Variants in QTMAN observed in about 807,000 individuals in gnomAD.
QTMAN encodes the protein tRNA-queuosine alpha-mannosyltransferase.
the QTMAN span, among the ~76,000 whole-genome samples, chr2:144,197,763 T>G: frequency 2.0e-5 from 3 of 152,192 alleles, no homozygotes; most frequent in Non-Finnish European, 4.4e-5. Context: ...TCTCACTATT[T>G]TTCTATTAGA....
the QTMAN span, among the ~76,000 whole-genome samples, chr2:144,169,103 C>T: frequency 6.6e-6 from 1 of 151,906 alleles, no homozygotes; most frequent in Non-Finnish European, 1.5e-5. Flanking sequence ...TAGCAGTTTC[C>T]TCTTAGAACT....
the QTMAN span, among the ~76,000 whole-genome samples, chr2:144,029,506 G>T: frequency 6.6e-6 from 1 of 152,042 alleles, no homozygotes; most frequent in East Asian, 1.9e-4. Context: ...CTTGTAATTT[G>T]TTCTCTTCTT....
chr2:144,199,498 C>T, the QTMAN span, among the ~76,000 whole-genome samples: 4 of 152,058 alleles, frequency 2.6e-5, no homozygotes, highest in East Asian at 7.7e-4. Flanking sequence ...CAGTCAAATG[C>T]CTTCTCTTTG....
the QTMAN span, among the ~76,000 whole-genome samples, chr2:143,965,469 C>T: frequency 2.6e-5 from 4 of 152,172 alleles, no homozygotes; most frequent in Non-Finnish European, 5.9e-5. Flanking sequence ...TTCCCATCTC[C>T]TCCTTTTCAT....
the QTMAN span, among the ~76,000 whole-genome samples, chr2:144,013,208 C>T: frequency 6.6e-6 from 1 of 152,148 alleles, no homozygotes; most frequent in Admixed American, 6.6e-5. Flanking sequence ...TTAACTCATT[C>T]ATTCAGTAAG....
the QTMAN span, among the ~76,000 whole-genome samples, chr2:144,068,555 G>A: frequency 2.0e-5 from 3 of 152,118 alleles, no homozygotes; most frequent in Non-Finnish European, 4.4e-5. Context: ...CAATTAATAT[G>A]CAAATATATG....
the QTMAN span, among the ~76,000 whole-genome samples, chr2:144,247,707 T>C: frequency 6.6e-6 from 1 of 152,164 alleles, no homozygotes; most frequent in East Asian, 1.9e-4. Flanking sequence ...GGGTCTCATT[T>C]TCATATCCCA....
At chr2:144,215,039 T>C in the QTMAN span, among the ~76,000 whole-genome samples, 3 of 152,038 alleles carry the variant, frequency 2.0e-5, no homozygotes, top group Non-Finnish European at 4.4e-5. Flanking sequence ...ACCAAGGAGT[T>C]TGAAACCAGC....
the QTMAN span, among the ~76,000 whole-genome samples, chr2:144,061,033 T>C: frequency 1.3e-5 from 2 of 152,172 alleles, no homozygotes; most frequent in Admixed American, 6.5e-5. Flanking sequence ...CACCTTGAAA[T>C]TATAGTTCCC....
chr2:144,046,572 T>G, the QTMAN span, among the ~76,000 whole-genome samples: 1 of 152,180 alleles, frequency 6.6e-6, no homozygotes, highest in Non-Finnish European at 1.5e-5. Flanking sequence ...AAAATCTACA[T>G]CTACTTCTGC....
the QTMAN span, among the ~76,000 whole-genome samples, chr2:144,034,253 T>C: frequency 1.4e-4 from 22 of 152,330 alleles, no homozygotes; most frequent in East Asian, 2.1e-3. Flanking sequence ...GACATAGTAA[T>C]GCAAGACTAG....
At chr2:144,151,371 T>C in the QTMAN span, among the ~76,000 whole-genome samples, 1 of 148,004 alleles carries the variant, frequency 6.8e-6, no homozygotes, top group Non-Finnish European at 1.5e-5. Flanking sequence ...TAATCTCTTA[T>C]ATTTCTTTTG....
the QTMAN span, among the ~76,000 whole-genome samples, chr2:144,013,067 T>C: frequency 6.6e-6 from 1 of 152,160 alleles, no homozygotes. Flanking sequence ...GGGACACATG[T>C]AGATGTTGCA....
the QTMAN span, among the ~76,000 whole-genome samples, chr2:143,998,464 G>A: frequency 6.6e-6 from 1 of 151,436 alleles, no homozygotes; most frequent in Admixed American, 6.6e-5. Flanking sequence ...ATTTGTAGTA[G>A]TTACTGCTGT....
the QTMAN span, among the ~76,000 whole-genome samples, chr2:144,172,596 C>A: frequency 6.9e-5 from 10 of 145,084 alleles, no homozygotes; most frequent in Admixed American, 7.0e-4. Flanking sequence ...TACACTCCAG[C>A]CTGGGTGACA....
chr2:144,006,998 A>C, the QTMAN span: 1 of 455,766 alleles, frequency 2.2e-6, no homozygotes, highest in East Asian at 3.4e-5. Context: ...ATTTAATCTA[A>C]GCACATGACC....
At chr2:144,165,551 T>C in the QTMAN span, among the ~76,000 whole-genome samples, 5 of 152,278 alleles carry the variant, frequency 3.3e-5, no homozygotes, top group African/African-American at 1.2e-4. Context: ...TCAGTATTAT[T>C]TACATGCTCA....
the QTMAN span, among the ~76,000 whole-genome samples, chr2:144,245,756 G>A: frequency 1.3e-5 from 2 of 151,938 alleles, no homozygotes; most frequent in African/African-American, 4.8e-5. Context: ...GGACCAAGAA[G>A]GGAAAAAATT....
chr2:144,090,145 G>A, the QTMAN span, among the ~76,000 whole-genome samples: 2 of 151,854 alleles, frequency 1.3e-5, no homozygotes, highest in Non-Finnish European at 2.9e-5. Flanking sequence ...GCAAAAAAAA[G>A]GATTTGATGA....
Sources: gnomAD v4.1 joint callset for allele counts (sites outside exome capture counted in the v4.1 genomes callset) on GRCh38, gnomAD v4.1.1 for gene constraint, MANE v1.5 for transcripts, NCBI Gene and HGNC (gene_info 2026-07-23, HGNC 2026-07-21) for gene names.